The following CDH13 variants were observed in gnomAD, a reference collection of about 807,000 sequenced individuals.
CDH13 encodes cadherin 13.
A neutral mutation model predicts 63.8 loss-of-function variants in CDH13; 24 were observed. The observed-to-expected ratio is 0.38, with a 90% CI of 0.27 to 0.53. The LOEUF (loss-of-function observed/expected upper bound fraction) is 0.53. CDH13 is among the 20% of genes least tolerant of loss of function. The probability of loss-of-function intolerance (pLI) is 0.85; values close to 1 mark genes in which losing one functional copy is unlikely to be tolerated. For synonymous variants in CDH13, 503 were observed against 355.3 expected (o/e 1.42, Z -4.67); for missense variants, 1,049 against 903.1 (o/e 1.16, Z -2.07).
At position 82,720,872 on chromosome 16, in the gene CDH13, G is replaced by T. The variant is rs143976530; in HGVS notation, c.45+93735G>T. Reference sequence around the variant, plus strand: ...TGGCTCATTCGCCAATGAGTCTCCTGTGCCTGAAACAAAGCTTGGTAAATA... The same window carrying T: ...TGGCTCATTCGCCAATGAGTCTCCTTTGCCTGAAACAAAGCTTGGTAAATA... On this transcript the variant is annotated intron_variant, in intron 1 of 13. Coordinates refer to ENST00000567109, the MANE Select transcript of CDH13 (RefSeq NM_001257.5). Among the ~76,000 whole-genome samples the T allele has an allele frequency of 2.9e-3, 448 of 152,296 alleles. 4 individuals are homozygous for T. The highest frequency in any genetic ancestry group is 4.0e-3 in the Non-Finnish European group (269 of 68,032).
At chr16:83,185,353 G>T (rs902248748) in intron 4 of CDH13, among the ~76,000 whole-genome samples, 1 of 152,148 alleles carries the variant, frequency 6.6e-6, no homozygotes, top group Non-Finnish European at 1.5e-5. Flanking sequence ...ACTGCACCTT[G>T]TAATTTCTGG....
intron 2 of CDH13, among the ~76,000 whole-genome samples, chr16:82,970,890 A>T (rs1231390370): frequency 6.6e-6 from 1 of 152,194 alleles, no homozygotes; most frequent in African/African-American, 2.4e-5. Context: ...TTACCTTCCA[A>T]TGCCCAGTGC....
intron 2 of CDH13, among the ~76,000 whole-genome samples, chr16:82,882,224 A>C (rs1287133077): frequency 5.3e-5 from 8 of 152,214 alleles, no homozygotes; most frequent in Admixed American, 5.2e-4. Context: ...ATATTAACAT[A>C]ATAATAAGCA....
intron 3 of CDH13, among the ~76,000 whole-genome samples, chr16:83,081,936 G>T (rs1334747825): frequency 6.6e-6 from 1 of 152,104 alleles, no homozygotes; most frequent in Admixed American, 6.6e-5. Flanking sequence ...AAATTGCTGG[G>T]ATTACAGGCA....
chr16:83,195,109 G>C (rs7186841), intron 4 of CDH13, among the ~76,000 whole-genome samples: 77,653 of 151,942 alleles, frequency 0.51, 22,452 homozygotes, highest in African/African-American at 0.8. Context: ...ATTTTTTTCA[G>C]AGGAAGATGT....
chr16:83,433,610 T>C (rs990313386), intron 6 of CDH13, among the ~76,000 whole-genome samples: 27 of 152,194 alleles, frequency 1.8e-4, no homozygotes, highest in African/African-American at 6.3e-4. Flanking sequence ...GTTTCTCCTA[T>C]TGACTCAGGA....
chr16:83,187,209 G>T (rs752177174), intron 4 of CDH13, among the ~76,000 whole-genome samples: 1 of 152,130 alleles, frequency 6.6e-6, no homozygotes, highest in Non-Finnish European at 1.5e-5. Flanking sequence ...GGCCTCAGGT[G>T]ATCCACCCAC....
intron 2 of CDH13, among the ~76,000 whole-genome samples, chr16:83,020,011 G>C (rs1173535807): frequency 6.6e-6 from 1 of 152,108 alleles, no homozygotes; most frequent in Admixed American, 6.5e-5. Context: ...AAACACATGA[G>C]TAATGCATTG....
chr16:83,489,642 C>A (rs995197936), intron 7 of CDH13, among the ~76,000 whole-genome samples: 3 of 152,178 alleles, frequency 2.0e-5, no homozygotes, highest in Admixed American at 2.0e-4. Context: ...ATGTTTTCCT[C>A]CCATTGAGAC....
chr16:82,716,984 G>C (rs1316282319), intron 1 of CDH13, among the ~76,000 whole-genome samples: 1 of 152,060 alleles, frequency 6.6e-6, no homozygotes, highest in African/African-American at 2.4e-5. Flanking sequence ...GTCCAGACAG[G>C]AAGATGCTGG....
At chr16:83,004,270 C>A (rs1597391342) in intron 2 of CDH13, among the ~76,000 whole-genome samples, 1 of 152,160 alleles carries the variant, frequency 6.6e-6, no homozygotes, top group Admixed American at 6.5e-5. Flanking sequence ...TCATAGAATG[C>A]TGCCAAAGGC....
At chr16:83,792,508 G>C (rs1332592633) in intron 13 of CDH13, among the ~76,000 whole-genome samples, 1 of 152,188 alleles carries the variant, frequency 6.6e-6, no homozygotes, top group Non-Finnish European at 1.5e-5. Context: ...TGCCTCCCAG[G>C]AGACAGTTGA....
At chr16:83,077,344 A>C (rs1374517013) in intron 3 of CDH13, among the ~76,000 whole-genome samples, 2 of 150,864 alleles carry the variant, frequency 1.3e-5, no homozygotes, top group Non-Finnish European at 3.0e-5. Flanking sequence ...GGTGCACACC[A>C]CCATGCCTGG....
chr16:83,697,637 G>A (rs751848399), intron 10 of CDH13, among the ~76,000 whole-genome samples: 3 of 152,162 alleles, frequency 2.0e-5, no homozygotes, highest in Admixed American at 6.5e-5. Flanking sequence ...AAACCTAACC[G>A]TGTATTCTTC....
chr16:83,045,651 A>G (rs2151494745), intron 3 of CDH13, among the ~76,000 whole-genome samples: 1 of 151,502 alleles, frequency 6.6e-6, no homozygotes, highest in South Asian at 2.1e-4. Flanking sequence ...AAAAAAAAAA[A>G]AAAAAAAAGA....
At chr16:82,870,418 A>G (rs1020045973) in intron 2 of CDH13, among the ~76,000 whole-genome samples, 2 of 152,178 alleles carry the variant, frequency 1.3e-5, no homozygotes, top group Non-Finnish European at 2.9e-5. Flanking sequence ...TGGTCCCCAA[A>G]AAACTAAAAA....
intron 2 of CDH13, among the ~76,000 whole-genome samples, chr16:82,865,621 C>T (rs2040104674): frequency 6.6e-6 from 1 of 152,202 alleles, no homozygotes; most frequent in South Asian, 2.1e-4. Flanking sequence ...CCCATGAGAC[C>T]ATTTTTTCCT....
intron 13 of CDH13, among the ~76,000 whole-genome samples, chr16:83,791,200 A>G (rs1916240860): frequency 6.6e-6 from 1 of 152,164 alleles, no homozygotes; most frequent in African/African-American, 2.4e-5. Context: ...AAAAATTAAC[A>G]TTAAATAAAA....
intron 6 of CDH13, among the ~76,000 whole-genome samples, chr16:83,363,368 A>G (rs560655280): frequency 2.7e-4 from 41 of 152,226 alleles, no homozygotes; most frequent in Admixed American, 1.1e-3. Context: ...GTGAGTATGC[A>G]TGTGTGCAAG....
Sources: allele counts gnomAD v4.1 joint callset (sites outside exome capture counted in the v4.1 genomes callset), GRCh38; gene constraint gnomAD v4.1.1; transcripts MANE v1.5; gene names NCBI Gene and HGNC (gene_info 2026-07-23, HGNC 2026-07-21).